The following CFAP210 variants were observed in gnomAD, a reference collection of about 807,000 sequenced individuals.
CFAP210 encodes the protein cilia- and flagella- associated protein 210.
chr2:169,665,311 G>GA, the CFAP210 span, among the ~76,000 whole-genome samples: 10 of 151,274 alleles, frequency 6.6e-5, no homozygotes, highest in Non-Finnish European at 1.3e-4. Flanking sequence ...TTTTGAGACT[G>GA]GTCTCACTCT....
the CFAP210 span, among the ~76,000 whole-genome samples, chr2:169,653,056 A>ATATATATATATATG: frequency 9.8e-6 from 1 of 101,992 alleles, no homozygotes; most frequent in African/African-American, 3.7e-5. Context: ...ATATATATAT[A>ATATATATATATATG]TATATATATA....
the CFAP210 span, among the ~76,000 whole-genome samples, chr2:169,662,749 G>A: frequency 6.6e-6 from 1 of 152,198 alleles, no homozygotes; most frequent in Admixed American, 6.5e-5. Flanking sequence ...TTTACAGAAA[G>A]GTTCCTAATC....
the CFAP210 span, among the ~76,000 whole-genome samples, chr2:169,654,933 A>G: frequency 6.6e-6 from 1 of 152,160 alleles, no homozygotes; most frequent in Non-Finnish European, 1.5e-5. Flanking sequence ...TCAAATCACT[A>G]TTGCTAGTTT....
At chr2:169,681,177 CTT>C in the CFAP210 span, 2 of 1,613,892 alleles carry the variant, frequency 1.2e-6, no homozygotes, top group Non-Finnish European at 1.7e-6. Flanking sequence ...TGGAGATCTA[CTT>C]TGCTAGGTAG....
the CFAP210 span, among the ~76,000 whole-genome samples, chr2:169,651,531 T>C: frequency 6.6e-6 from 1 of 151,940 alleles, no homozygotes; most frequent in Non-Finnish European, 1.5e-5. Context: ...AGTTTTTTTA[T>C]TTTTAGTAGA....
the CFAP210 span, chr2:169,674,506 A>C: frequency 7.7e-7 from 1 of 1,291,942 alleles, no homozygotes; most frequent in Non-Finnish European, 1.1e-6. Context: ...TTACTTTTAT[A>C]ATTAGAAAAA....
the CFAP210 span, among the ~76,000 whole-genome samples, chr2:169,679,759 C>T: frequency 6.6e-6 from 1 of 151,450 alleles, no homozygotes; most frequent in Middle Eastern, 3.5e-3. Context: ...GCATTTACCT[C>T]CCACCTATAA....
chr2:169,649,426 G>T, the CFAP210 span: 1 of 1,324,450 alleles, frequency 7.6e-7, no homozygotes, highest in Non-Finnish European at 1.0e-6. Flanking sequence ...GAGTCAGAGA[G>T]TTGAAGCAGA....
the CFAP210 span, among the ~76,000 whole-genome samples, chr2:169,685,325 AC>A: frequency 6.6e-6 from 1 of 152,272 alleles, no homozygotes; most frequent in East Asian, 1.9e-4. Flanking sequence ...GTAGTATCTC[AC>A]TGTAGTGTTG....
At chr2:169,662,089 C>G in the CFAP210 span, among the ~76,000 whole-genome samples, 9 of 152,180 alleles carry the variant, frequency 5.9e-5, no homozygotes, top group Admixed American at 1.3e-4. Flanking sequence ...GAAATGTTCC[C>G]AACACGAAGA....
At chr2:169,673,341 CAA>C in the CFAP210 span, among the ~76,000 whole-genome samples, 1 of 152,192 alleles carries the variant, frequency 6.6e-6, no homozygotes, top group Non-Finnish European at 1.5e-5. Context: ...TGCAATATAA[CAA>C]AAGAGATTTC....
chr2:169,686,621 T>C, the CFAP210 span, among the ~76,000 whole-genome samples: 2 of 152,330 alleles, frequency 1.3e-5, no homozygotes. Flanking sequence ...CTCAGATCTC[T>C]CTTCCTCTTC....
the CFAP210 span, among the ~76,000 whole-genome samples, chr2:169,671,961 C>T: frequency 5.3e-5 from 8 of 152,162 alleles, no homozygotes; most frequent in Non-Finnish European, 1.0e-4. Flanking sequence ...GGGAAAGTAA[C>T]TCTCCTTTGC....
At chr2:169,686,345 T>C in the CFAP210 span, among the ~76,000 whole-genome samples, 1 of 152,216 alleles carries the variant, frequency 6.6e-6, no homozygotes, top group Non-Finnish European at 1.5e-5. Context: ...AAAAGCCAAG[T>C]AGAATTTTGA....
At chr2:169,661,663 G>A in the CFAP210 span, among the ~76,000 whole-genome samples, 1 of 152,208 alleles carries the variant, frequency 6.6e-6, no homozygotes, top group Non-Finnish European at 1.5e-5. Context: ...TATATTCATT[G>A]TTTTAAAATC....
chr2:169,667,311 G>T, the CFAP210 span, among the ~76,000 whole-genome samples: 1 of 151,742 alleles, frequency 6.6e-6, no homozygotes, highest in African/African-American at 2.4e-5. Context: ...GCTAATTTTT[G>T]TATTTTTAGT....
At chr2:169,691,527 T>G in the CFAP210 span, among the ~76,000 whole-genome samples, 3 of 152,110 alleles carry the variant, frequency 2.0e-5, no homozygotes, top group Admixed American at 1.3e-4. Context: ...CCCCGCCACT[T>G]CCACTCCCCC....
At chr2:169,667,306 T>A in the CFAP210 span, among the ~76,000 whole-genome samples, 1 of 151,942 alleles carries the variant, frequency 6.6e-6, no homozygotes, top group Non-Finnish European at 1.5e-5. Context: ...GCCTGGCTAA[T>A]TTTTGTATTT....
the CFAP210 span, chr2:169,674,619 G>A: frequency 1.7e-5 from 28 of 1,607,464 alleles, no homozygotes; most frequent in African/African-American, 4.0e-5. Context: ...TCTCTGTGTC[G>A]TTTTTCTGCT....
Sources: gnomAD v4.1 joint callset for allele counts (sites outside exome capture counted in the v4.1 genomes callset) on GRCh38, gnomAD v4.1.1 for gene constraint, MANE v1.5 for transcripts, NCBI Gene and HGNC (gene_info 2026-07-23, HGNC 2026-07-21) for gene names.